The following CDKAL1 variants were observed in gnomAD, a reference collection of about 807,000 sequenced individuals.
CDKAL1 encodes threonylcarbamoyladenosine tRNA methylthiotransferase.
CDKAL1 carries 32 observed loss-of-function variants against 68.2 expected under a neutral mutation model. That is an observed-to-expected ratio of 0.47 (90% CI 0.35 to 0.63). The LOEUF is 0.63. Ranked by LOEUF, CDKAL1 falls within the 30% of genes least tolerant of loss-of-function variation. CDKAL1 has a pLI of 0.00. For missense variants in CDKAL1, 606 were observed against 696.7 expected (o/e 0.87, Z 1.47); for synonymous variants, 234 against 244.3 (o/e 0.96, Z 0.39).
chr6:20,627,462 T>C (rs1380929155), intron 4 of CDKAL1, among the ~76,000 whole-genome samples: 1 of 152,162 alleles, frequency 6.6e-6, no homozygotes, highest in Non-Finnish European at 1.5e-5. Flanking sequence ...GAGGTTTCCC[T>C]TGGTCACATC....
intron 9 of CDKAL1, among the ~76,000 whole-genome samples, chr6:20,950,911 A>G (rs910236179): frequency 2.0e-5 from 3 of 151,814 alleles, no homozygotes; most frequent in African/African-American, 7.3e-5. Flanking sequence ...CGGAGGTTAC[A>G]GTGAGCCGAG....
chr6:21,127,175 T>G (rs1367390680), intron 13 of CDKAL1, among the ~76,000 whole-genome samples: 1 of 152,160 alleles, frequency 6.6e-6, no homozygotes, highest in Non-Finnish European at 1.5e-5. Flanking sequence ...AGGGTGCAAC[T>G]AACCCAAGCA....
At chr6:20,985,239 C>CA (rs1265991592) in intron 10 of CDKAL1, among the ~76,000 whole-genome samples, 3 of 152,134 alleles carry the variant, frequency 2.0e-5, no homozygotes, top group African/African-American at 7.2e-5. Context: ...TGTGGACATT[C>CA]AAAAGCCTCT....
chr6:21,094,562 G>A (rs1417965360), intron 12 of CDKAL1, among the ~76,000 whole-genome samples: 1 of 152,142 alleles, frequency 6.6e-6, no homozygotes, highest in East Asian at 1.9e-4. Flanking sequence ...GAGCTAAAAA[G>A]ATGCTAGAGC....
chr6:20,958,949 A>G (rs981802704), intron 10 of CDKAL1, among the ~76,000 whole-genome samples: 2 of 152,232 alleles, frequency 1.3e-5, no homozygotes, highest in Non-Finnish European at 2.9e-5. Context: ...GAAAGCACCA[A>G]AGTTTTTATC....
chr6:21,116,425 A>T (rs888091795), intron 13 of CDKAL1, among the ~76,000 whole-genome samples: 1 of 152,212 alleles, frequency 6.6e-6, no homozygotes, highest in East Asian at 1.9e-4. Context: ...TCAAAGCTTT[A>T]CATATGCACA....
At chr6:20,697,215 CT>C (rs771599359) in intron 5 of CDKAL1, among the ~76,000 whole-genome samples, 1 of 152,220 alleles carries the variant, frequency 6.6e-6, no homozygotes, top group Non-Finnish European at 1.5e-5. Flanking sequence ...TTAAAACAAA[CT>C]TTATTGAGAT....
At chr6:20,580,106 C>A (rs143897469) in intron 4 of CDKAL1, among the ~76,000 whole-genome samples, 2 of 152,136 alleles carry the variant, frequency 1.3e-5, no homozygotes, top group Non-Finnish European at 2.9e-5. Context: ...TGTGAATGTA[C>A]GTATGTTTGA....
chr6:21,170,093 A>G (rs1229040031), intron 13 of CDKAL1, among the ~76,000 whole-genome samples: 1 of 152,116 alleles, frequency 6.6e-6, no homozygotes, highest in Non-Finnish European at 1.5e-5. Flanking sequence ...AAGACAGCTA[A>G]TGTTCTGTGG....
intron 8 of CDKAL1, among the ~76,000 whole-genome samples, chr6:20,819,731 A>G (rs1014121997): frequency 6.6e-6 from 1 of 152,200 alleles, no homozygotes; most frequent in Non-Finnish European, 1.5e-5. Context: ...AATATTTTCA[A>G]ATGTGTTTGA....
intron 15 of CDKAL1, among the ~76,000 whole-genome samples, chr6:21,209,768 A>G (rs1563728): frequency 0.14 from 21,779 of 152,238 alleles, 1,631 homozygotes; most frequent in East Asian, 0.22. Flanking sequence ...CAGCAGCAGC[A>G]GAACCTGAAA....
At chr6:20,748,030 G>A (rs1399885454) in intron 6 of CDKAL1, among the ~76,000 whole-genome samples, 1 of 152,128 alleles carries the variant, frequency 6.6e-6, no homozygotes, top group Non-Finnish European at 1.5e-5. Context: ...GTATGGTGTA[G>A]TATACAGATT....
intron 13 of CDKAL1, among the ~76,000 whole-genome samples, chr6:21,155,248 T>C (rs1776591112): frequency 7.3e-6 from 1 of 136,756 alleles, no homozygotes; most frequent in African/African-American, 2.9e-5. Flanking sequence ...AATTGTTTTA[T>C]CTAGTTTTTT....
intron 9 of CDKAL1, among the ~76,000 whole-genome samples, chr6:20,943,893 C>T (rs1194051887): frequency 1.3e-5 from 2 of 152,068 alleles, no homozygotes; most frequent in African/African-American, 4.8e-5. Flanking sequence ...ACGAACCCAG[C>T]CTGGGCAAAA....
At chr6:21,198,733 G>A (rs1170931716) in intron 14 of CDKAL1, among the ~76,000 whole-genome samples, 1 of 152,208 alleles carries the variant, frequency 6.6e-6, no homozygotes, top group East Asian at 1.9e-4. Context: ...CCATCCCTAG[G>A]GGCGCCCCCA....
chr6:21,077,312 A>T (rs1399635999), intron 12 of CDKAL1, among the ~76,000 whole-genome samples: 1 of 152,180 alleles, frequency 6.6e-6, no homozygotes, highest in Non-Finnish European at 1.5e-5. Context: ...ATTCATTGTT[A>T]TAGGGGCTCA....
chr6:20,974,815 C>CAA (rs34192233), intron 10 of CDKAL1, among the ~76,000 whole-genome samples: 13,308 of 138,804 alleles, frequency 0.096, 1,069 homozygotes, highest in African/African-American at 0.22. Flanking sequence ...CCAGTCTCTG[C>CAA]AAAAAAAAAA....
At chr6:20,973,078 CAAA>C (rs34479545) in intron 10 of CDKAL1, among the ~76,000 whole-genome samples, 4 of 136,192 alleles carry the variant, frequency 2.9e-5, no homozygotes, top group Non-Finnish European at 6.4e-5. Flanking sequence ...AACTCCGTCT[CAAA>C]AAAAAAAAAA....
At chr6:20,731,148 G>A (rs1772907180) in intron 5 of CDKAL1, among the ~76,000 whole-genome samples, 1 of 152,178 alleles carries the variant, frequency 6.6e-6, no homozygotes, top group Non-Finnish European at 1.5e-5. Context: ...GCAGAAGGGA[G>A]GACTGCCCAG....
Sources: gnomAD v4.1 joint callset for allele counts (sites outside exome capture counted in the v4.1 genomes callset) on GRCh38, gnomAD v4.1.1 for gene constraint, MANE v1.5 for transcripts, NCBI Gene and HGNC (gene_info 2026-07-23, HGNC 2026-07-21) for gene names.